The following POU6F2 variants were observed in gnomAD, a reference collection of about 807,000 sequenced individuals.
POU6F2 encodes POU domain, class 6, transcription factor 2.
In POU6F2, 31 loss-of-function variants were observed where a neutral mutation model predicts 71.3. That is an observed-to-expected ratio of 0.43 (90% CI 0.33 to 0.59). The LOEUF (loss-of-function observed/expected upper bound fraction) is 0.59. POU6F2 is among the 20% of genes least tolerant of loss of function. The pLI is 0.04. For missense variants in POU6F2, 783 were observed against 856.8 expected (o/e 0.91, Z 1.07); for synonymous variants, 347 against 355.7 (o/e 0.98, Z 0.27).
chr7:39,096,184 A>G (rs1791451564), intron 2 of POU6F2, among the ~76,000 whole-genome samples: 2 of 152,166 alleles, frequency 1.3e-5, no homozygotes, highest in Admixed American at 1.3e-4. Context: ...TTTTTAAAAT[A>G]CTTCCACATG....
At chr7:39,222,420 T>G (rs1584610057) in intron 4 of POU6F2, among the ~76,000 whole-genome samples, 1 of 152,212 alleles carries the variant, frequency 6.6e-6, no homozygotes, top group East Asian at 1.9e-4. Context: ...AACATAAAAT[T>G]TATCATCTTA....
At chr7:39,357,206 A>T (rs948654099) in intron 5 of POU6F2, among the ~76,000 whole-genome samples, 1 of 152,148 alleles carries the variant, frequency 6.6e-6, no homozygotes, top group African/African-American at 2.4e-5. Context: ...CTCTCACATG[A>T]CACAGCCTGG....
At position 39,216,722 on chromosome 7, in the gene POU6F2, C is replaced by T. The variant is rs1410211174; in HGVS notation, c.598+9102C>T. ...GAATGCTCTAGGGCTTCACAAAATA[C>T]CAACTTTCTTTAAAACATAAAAAAA... On this transcript the variant is annotated intron_variant, in intron 4 of 9. Coordinates refer to ENST00000518318, the MANE Select transcript of POU6F2 (RefSeq NM_001370959.1). Among the ~76,000 whole-genome samples the T allele has an allele frequency of 9.9e-5, 15 of 152,238 alleles. No homozygotes were observed. In the East Asian group the frequency reaches 2.9e-3, roughly 29 times the overall value.
intron 2 of POU6F2, among the ~76,000 whole-genome samples, chr7:39,200,940 T>G (rs990133295): frequency 1.3e-5 from 2 of 151,894 alleles, no homozygotes; most frequent in Non-Finnish European, 2.9e-5. Context: ...AGCAGGAGGA[T>G]TGCTTGAGCC....
At chr7:39,221,384 C>CTTTTTTTTTTTTTTTTTT (rs33915153) in intron 4 of POU6F2, among the ~76,000 whole-genome samples, 1 of 86,332 alleles carries the variant, frequency 1.2e-5, no homozygotes, top group Non-Finnish European at 2.1e-5. Context: ...CTCTCTCTCT[C>CTTTTTTTTTTTTTTTTTT]TTTTTTTTTT....
chr7:39,386,739 T>C (rs1310563683), intron 5 of POU6F2, among the ~76,000 whole-genome samples: 1 of 152,172 alleles, frequency 6.6e-6, no homozygotes, highest in Non-Finnish European at 1.5e-5. Context: ...CAAGAAGAAG[T>C]TGGATCAAAT....
At position 39,160,655 on chromosome 7, in the gene POU6F2, A is replaced by G. The variant is rs541451856; in HGVS notation, c.278-43580A>G. ...CCTTGGTAGAAACCCTGCCTCTACC[A>G]TCAGCCCTATTTAAAAATCAGCCTA... On this transcript the variant is annotated intron_variant, in intron 2 of 9. Coordinates refer to ENST00000518318, the MANE Select transcript of POU6F2 (RefSeq NM_001370959.1). 5.3e-5 allele frequency among the ~76,000 whole-genome samples: 8 copies of G among 152,320 alleles called. No homozygotes were observed. In the East Asian group the frequency reaches 1.5e-3, roughly 29 times the overall value.
chr7:39,320,017 A>C (rs190916594), intron 4 of POU6F2, among the ~76,000 whole-genome samples: 12 of 152,318 alleles, frequency 7.9e-5, no homozygotes, highest in African/African-American at 2.9e-4. Flanking sequence ...AGGCTAGACT[A>C]TTTAAACATG....
chr7:39,400,074 C>T (rs1283105406), intron 5 of POU6F2, among the ~76,000 whole-genome samples: 5 of 152,118 alleles, frequency 3.3e-5, no homozygotes, highest in Admixed American at 6.5e-5. Context: ...GCTCAGTCCC[C>T]AGCCTCTCTT....
intron 4 of POU6F2, among the ~76,000 whole-genome samples, chr7:39,281,580 A>C (rs866697336): frequency 6.6e-5 from 10 of 152,092 alleles, no homozygotes; most frequent in African/African-American, 2.4e-4. Flanking sequence ...TGCTTATTTT[A>C]CCTAACATAA....
chr7:39,131,171 C>T (rs1028427119), intron 2 of POU6F2, among the ~76,000 whole-genome samples: 3 of 152,136 alleles, frequency 2.0e-5, no homozygotes, highest in Non-Finnish European at 4.4e-5. Flanking sequence ...CCCGCTCCTC[C>T]GGTCCTTTAT....
intron 4 of POU6F2, among the ~76,000 whole-genome samples, chr7:39,228,208 T>G (rs1794508015): frequency 6.6e-6 from 1 of 152,220 alleles, no homozygotes; most frequent in Non-Finnish European, 1.5e-5. Context: ...AATATATACT[T>G]TGAGTCCATT....
chr7:39,129,246 T>C (rs999073266), intron 2 of POU6F2, among the ~76,000 whole-genome samples: 1 of 152,194 alleles, frequency 6.6e-6, no homozygotes, highest in South Asian at 2.1e-4. Context: ...ACTCCAAAGA[T>C]GTGAGTTCAA....
intron 1 of POU6F2, among the ~76,000 whole-genome samples, chr7:39,009,101 A>G (rs1789182164): frequency 6.6e-6 from 1 of 152,092 alleles, no homozygotes; most frequent in African/African-American, 2.4e-5. Context: ...TGAATCTGTA[A>G]ATTACCTTGG....
chr7:39,127,249 C>G (rs1236466085), intron 2 of POU6F2, among the ~76,000 whole-genome samples: 1 of 152,100 alleles, frequency 6.6e-6, no homozygotes, highest in East Asian at 1.9e-4. Flanking sequence ...TGGCTTGTGG[C>G]TGCGATAATA....
intron 7 of POU6F2, among the ~76,000 whole-genome samples, chr7:39,437,570 C>T (rs986972066): frequency 3.9e-5 from 6 of 152,042 alleles, no homozygotes; most frequent in African/African-American, 1.4e-4. Context: ...TTTCAAAAAA[C>T]CAGCTCCTGG....
chr7:39,359,543 A>C (rs908700219), intron 5 of POU6F2, among the ~76,000 whole-genome samples: 1 of 152,184 alleles, frequency 6.6e-6, no homozygotes, highest in Non-Finnish European at 1.5e-5. Flanking sequence ...AAATTGGTAC[A>C]TTGGAGGCTT....
At chr7:38,997,831 G>T (rs1788781203) in intron 1 of POU6F2, among the ~76,000 whole-genome samples, 1 of 152,222 alleles carries the variant, frequency 6.6e-6, no homozygotes, top group South Asian at 2.1e-4. Context: ...GAAGAAGGAT[G>T]AATTTTATAT....
chr7:39,230,531 A>G (rs1407097065), intron 4 of POU6F2, among the ~76,000 whole-genome samples: 2 of 152,170 alleles, frequency 1.3e-5, no homozygotes, highest in East Asian at 1.9e-4. Context: ...TTTGATTACA[A>G]AATTTTGGTA....
Sources: gnomAD v4.1 joint callset for allele counts (sites outside exome capture counted in the v4.1 genomes callset) on GRCh38, gnomAD v4.1.1 for gene constraint, MANE v1.5 for transcripts, NCBI Gene and HGNC (gene_info 2026-07-23, HGNC 2026-07-21) for gene names.